EML1: variants seen among roughly 807,000 people sequenced by gnomAD.
The protein encoded by EML1 is echinoderm microtubule-associated protein-like 1.
In EML1, 27 loss-of-function variants were observed where a neutral mutation model predicts 110.4. That is an observed-to-expected ratio of 0.24 (90% confidence interval 0.18 to 0.34). EML1 has a LOEUF of 0.34. Ranked by LOEUF, EML1 falls within the 10% of genes least tolerant of loss-of-function variation. The pLI, the probability that EML1 is intolerant of heterozygous loss-of-function variation, is 1.00. For missense variants in EML1, 741 were observed against 1,030.9 expected, an observed-to-expected ratio of 0.72 and a Z score of 3.85; for synonymous variants, 344 against 385.8, an observed-to-expected ratio of 0.89 and a Z score of 1.27.
At chr14:99,919,796 G>A (rs958601661) in intron 16 of EML1, among the ~76,000 whole-genome samples, 4 of 152,186 alleles carry the variant, frequency 2.6e-5, no homozygotes, top group African/African-American at 9.7e-5. Context: ...GTAAATGGTT[G>A]TTGAAGATGC....
intron 1 of EML1, among the ~76,000 whole-genome samples, chr14:99,786,102 G>A (rs1020373535): frequency 2.0e-5 from 3 of 150,622 alleles, no homozygotes; most frequent in Non-Finnish European, 4.4e-5. Flanking sequence ...CGCTTCAGTT[G>A]CATCAATAGA....
At chr14:99,765,094 T>C (rs2057354370) in intron 1 of EML1, among the ~76,000 whole-genome samples, 2 of 152,176 alleles carry the variant, frequency 1.3e-5, no homozygotes, top group East Asian at 1.9e-4. Context: ...AATGCCACCA[T>C]GCACAGCTAA....
intron 1 of EML1, among the ~76,000 whole-genome samples, chr14:99,765,479 T>C (rs1189101939): frequency 6.6e-6 from 1 of 152,218 alleles, no homozygotes; most frequent in Non-Finnish European, 1.5e-5. Context: ...ATATAGTATT[T>C]GTCCTTTTAT....
Position 99,920,787 on chromosome 14 carries a change from A to G in EML1, c.1821-2A>G. The G allele has an allele frequency of 6.2e-7, 1 of 1,611,690 alleles. No homozygotes were observed. The highest frequency in any genetic ancestry group is 8.5e-7 in the Non-Finnish European group (1 of 1,179,210). On this transcript the variant is annotated splice_acceptor_variant, in intron 16 of 21. Coordinates refer to ENST00000262233, the MANE Select transcript of EML1 (RefSeq NM_004434.3). LOFTEE classifies it high-confidence loss of function. ...CTGTGCTTTTTCTCATGTTGATAAC[A>G]GGTGGTTTGTGTTTGACACAGAAAC... is the stretch of plus-strand genomic sequence containing the variant.
chr14:99,830,869 G>C (rs948554897), intron 1 of EML1, among the ~76,000 whole-genome samples: 1 of 152,152 alleles, frequency 6.6e-6, no homozygotes, highest in Non-Finnish European at 1.5e-5. Context: ...ACTTCAAATA[G>C]TACTCAAAGA....
intron 20 of EML1, among the ~76,000 whole-genome samples, chr14:99,938,916 C>T (rs1234412336): frequency 6.6e-6 from 1 of 152,204 alleles, no homozygotes; most frequent in Non-Finnish European, 1.5e-5. Context: ...CTGCCTTGGC[C>T]TCAAGATGAG....
chr14:99,792,748 C>T (rs959714572), upstream of EML1: 4 of 152,332 alleles, frequency 2.6e-5, no homozygotes, highest in African/African-American at 7.2e-5. Flanking sequence ...GATAGCCTCT[C>T]TGGCCCAGTG....
chr14:99,851,134 C>G, intron 2 of EML1, 99 bp downstream of exon 2: 1 of 1,289,616 alleles, frequency 7.8e-7, no homozygotes, highest in Non-Finnish European at 1.1e-6. Context: ...GACAGAGAAT[C>G]GAAACTTAGA....
At chr14:99,920,766 G>T (rs777838232) in intron 16 of EML1, 23 bp from the exon 17 acceptor site, 1 of 1,590,748 alleles carries the variant, frequency 6.3e-7, no homozygotes, top group Non-Finnish European at 8.6e-7. Context: ...AACTTACTGT[G>T]CTTTTTCTCA....
upstream of EML1, among the ~76,000 whole-genome samples, chr14:99,768,464 C>A (rs1225835070): frequency 6.6e-6 from 1 of 152,028 alleles, no homozygotes; most frequent in African/African-American, 2.4e-5. Context: ...CGGGCACAGG[C>A]GCAGAGACAC....
At chr14:99,801,547 A>G (rs761815232) in intron 1 of EML1, among the ~76,000 whole-genome samples, 26 of 151,952 alleles carry the variant, frequency 1.7e-4, no homozygotes, top group African/African-American at 2.4e-4. Context: ...CCCGGGAGGC[A>G]GAGCTTGCAG....
At chr14:99,773,865 C>G (rs1806822007) in exon 1 of EML1, 1 of 152,284 alleles carries the variant, frequency 6.6e-6, no homozygotes, top group South Asian at 2.1e-4. Context: ...CCCAGCCCAT[C>G]TTGCTTAATG....
At chr14:99,799,983 CT>C (rs1469749300) in intron 1 of EML1, among the ~76,000 whole-genome samples, 1 of 152,168 alleles carries the variant, frequency 6.6e-6, no homozygotes, top group Non-Finnish European at 1.5e-5. Flanking sequence ...ACAAAAATTT[CT>C]TTCAGGAACA....
intron 7 of EML1, 31 bp from the exon 8 acceptor site, chr14:99,898,202 T>C: frequency 1.3e-6 from 2 of 1,557,864 alleles, no homozygotes; most frequent in Non-Finnish European, 1.7e-6. Flanking sequence ...ACCTGCAACA[T>C]GTAGATGTTT....
intron 1 of EML1, among the ~76,000 whole-genome samples, chr14:99,740,447 C>T (rs915387384): frequency 2.0e-5 from 3 of 152,302 alleles, no homozygotes; most frequent in African/African-American, 7.2e-5. Flanking sequence ...ACATTGCCTC[C>T]AATAGCTTGC....
chr14:99,841,516 A>G (rs1417593638), intron 1 of EML1, among the ~76,000 whole-genome samples: 1 of 152,152 alleles, frequency 6.6e-6, no homozygotes, highest in Non-Finnish European at 1.5e-5. Flanking sequence ...TTGAATCCCA[A>G]ATCAGTGCTC....
At chr14:99,772,010 G>A (rs1034196929), upstream of EML1, among the ~76,000 whole-genome samples, 2 of 152,166 alleles carry the variant, frequency 1.3e-5, no homozygotes, top group Non-Finnish European at 2.9e-5. Flanking sequence ...GGTTATCTCA[G>A]GATTGGTATG....
At chr14:99,830,201 G>T (rs1315632335) in intron 1 of EML1, among the ~76,000 whole-genome samples, 1 of 152,136 alleles carries the variant, frequency 6.6e-6, no homozygotes, top group Non-Finnish European at 1.5e-5. Flanking sequence ...ATGTGTGAAG[G>T]AGTAGCTCAT....
rs1346297443 is a variant in EML1, at chr14:99,941,893, A to G, written c.*1781A>G. On this transcript the variant is annotated 3_prime_UTR_variant, in exon 22 of 22. Transcript: ENST00000262233. ...GTCAGTAAGGTCTGCTTTTATTTCT[A>G]TGTACTCCTGTTTGCCAAGCTCAAT... 2.0e-5 allele frequency: 3 copies of G among 152,238 alleles called. No individual in the cohort carries two copies. The highest frequency in any genetic ancestry group is 2.4e-5 in the African/African-American group (1 of 41,470). The allele number at this position is 152,238 out of a possible 1,614,324, so 9.4% of individuals were successfully genotyped here.
Sources: allele counts gnomAD v4.1 joint callset (sites outside exome capture counted in the v4.1 genomes callset), GRCh38; gene constraint gnomAD v4.1.1; transcripts MANE v1.5; gene names NCBI Gene and HGNC (gene_info 2026-07-23, HGNC 2026-07-21).